The following SGO2 variants were observed in gnomAD, a reference collection of about 807,000 sequenced individuals.
SGO2 encodes shugoshin 2.
A neutral mutation model predicts 99.5 loss-of-function variants in SGO2; 68 were observed. The ratio of observed to expected loss-of-function variants is 0.68; its 90% CI spans 0.56 to 0.84. The LOEUF (loss-of-function observed/expected upper bound fraction) is 0.84. SGO2 is among the 40% of genes least tolerant of loss of function. SGO2 has a pLI of 0.00. For synonymous variants in SGO2, 457 were observed against 487.1 expected, an observed-to-expected ratio of 0.94 and a Z score of 0.81; for missense variants, 1,350 against 1,436.7, an observed-to-expected ratio of 0.94 and a Z score of 0.97.
chr2:200,528,321 C>T (rs2031203991), intron 1 of SGO2, among the ~76,000 whole-genome samples: 1 of 152,054 alleles, frequency 6.6e-6, no homozygotes, highest in African/African-American at 2.4e-5. Flanking sequence ...ATTCACGTAG[C>T]TATAGCAAAT....
rs968488994 is a variant in SGO2, at chr2:200,576,495, T to C, written c.3782+1034T>C. 2.6e-5 allele frequency among the ~76,000 whole-genome samples: 4 copies of C among 152,160 alleles called. No homozygotes were observed. In the East Asian group the frequency reaches 7.8e-4, roughly 30 times the overall value. On this transcript the variant is annotated intron_variant, in intron 8 of 8. Coordinates refer to ENST00000357799, the MANE Select transcript of SGO2 (RefSeq NM_152524.6). Reference sequence around the variant, plus strand: ...GGAGGCTGAGGCAGGAGAATCACCTTGAATTCGGAGGCAGATGTTGCAGTG... The same window carrying C: ...GGAGGCTGAGGCAGGAGAATCACCTCGAATTCGGAGGCAGATGTTGCAGTG...
Position 200,536,118 on chromosome 2 carries a change from A to G in SGO2, c.363A>G (p.Ala121=). Reference sequence around the variant, plus strand: ...TCATGAACAATAACTTGATAACTGCAATTGAAATGAGCAGTCTTTCTGAGG... The same window carrying G: ...TCATGAACAATAACTTGATAACTGCGATTGAAATGAGCAGTCTTTCTGAGG... ...EALMNNNLIT[A]IEMSSLSEFH... Residue 121 remains alanine (A), a synonymous_variant, in exon 4 of 9, where the codon GCA becomes GCG. Coordinates refer to ENST00000357799, the MANE Select transcript of SGO2 (RefSeq NM_152524.6). The G allele has an allele frequency of 6.3e-7, 1 of 1,596,776 alleles. No individual in the cohort carries two copies. The highest frequency in any genetic ancestry group is 8.6e-7 in the Non-Finnish European group (1 of 1,168,172).
At chr2:200,555,660 C>T (rs2032676911) in intron 5 of SGO2, among the ~76,000 whole-genome samples, 1 of 152,174 alleles carries the variant, frequency 6.6e-6, no homozygotes, top group South Asian at 2.1e-4. Context: ...CTGATCCAAA[C>T]ATGCAAACAG....
chr2:200,527,220 A>G lies in SGO2; in HGVS notation c.-3+968A>G, dbSNP rs577769612. On this transcript the variant is annotated intron_variant, in intron 1 of 8. Coordinates refer to ENST00000357799, the MANE Select transcript of SGO2 (RefSeq NM_152524.6). ...CCAGATTTCTGGCATGAGGATTTGA[A>G]TAGGCGATTGACAGTGTCGTTTATT... Among the ~76,000 whole-genome samples, 65 of 152,344 alleles carry G rather than the reference A, an allele frequency of 4.3e-4. 1 individual carries two copies. The highest frequency in any genetic ancestry group is 1.5e-3 in the African/African-American group (63 of 41,576).
chr2:200,548,607 C>T (rs12104945), intron 5 of SGO2, among the ~76,000 whole-genome samples: 3 of 151,952 alleles, frequency 2.0e-5, no homozygotes, highest in East Asian at 3.9e-4. Context: ...GAAATAATAA[C>T]GATCAGAGCA....
chr2:200,542,669 A>C lies in SGO2; in HGVS notation c.473+5A>C. The stretch of plus-strand genomic sequence containing the variant: ...GATGCGTCTTCCATTTGCAAGGTAA[A>C]TATGGGCTTGAATTACACTAGTTCA... On this transcript the variant is annotated splice_donor_5th_base_variant and intron_variant, in intron 5 of 8. Transcript: ENST00000357799. The C allele has an allele frequency of 1.9e-6, 3 of 1,610,802 alleles. No homozygotes were observed. Among genetic ancestry groups the C allele is most frequent in the Non-Finnish European group, 2.5e-6 (3 of 1,177,832 alleles).
rs13417812 is a variant in SGO2 at position 200,571,374 on chromosome 2, A to C, written c.1028A>C (p.Glu343Ala). ...SSESAREPNA[E>A]CMNQIEDNDD... ...GAGTCTGCCAGAGAACCTAATGCAGAGTGCATGAATCAAATTGAGGATAAT... is the reference window on the plus strand; with the variant it reads ...GAGTCTGCCAGAGAACCTAATGCAGCGTGCATGAATCAAATTGAGGATAAT... The change falls in exon 7 of 9, where the codon GAG becomes GCG. Residue 343 changes from glutamate to alanine, a missense_variant. Transcript: ENST00000357799. 2.0e-3 allele frequency: 3,144 copies of C among 1,611,724 alleles called. 57 individuals are homozygous for C. In the African/African-American group the frequency reaches 0.036, roughly 19 times the overall value.
intron 4 of SGO2, among the ~76,000 whole-genome samples, chr2:200,537,369 C>T (rs776183025): frequency 2.6e-5 from 4 of 152,156 alleles, no homozygotes; most frequent in Non-Finnish European, 4.4e-5. Context: ...CTTGCCTTTA[C>T]AGCAAAGCTT....
At chr2:200,568,067 T>C (rs1045717257) in intron 5 of SGO2, among the ~76,000 whole-genome samples, 3 of 152,200 alleles carry the variant, frequency 2.0e-5, no homozygotes, top group African/African-American at 4.8e-5. Context: ...CCATTTTACA[T>C]TCCCGCCAGC....
In SGO2 at chr2:200,526,318, G is replaced by A. The variant is rs964824675; in HGVS notation, c.-3+66G>A. On this transcript the variant is annotated intron_variant, in intron 1 of 8. Coordinates refer to ENST00000357799, the MANE Select transcript of SGO2 (RefSeq NM_152524.6). This position sits in a 1 kb window ranked among gnomAD's most constrained non-coding sequence, Gnocchi z 4.8. ...CCCTGTCGGGATCGGTGTCGTTCTTGAGTCGGTTCTCTAGGCGCTGTCCGC... is the reference window on the plus strand; with the variant it reads ...CCCTGTCGGGATCGGTGTCGTTCTTAAGTCGGTTCTCTAGGCGCTGTCCGC... 1 of 152,270 alleles carries A rather than the reference G, an allele frequency of 6.6e-6. No homozygotes were observed. Among genetic ancestry groups the A allele is most frequent in the South Asian group, 2.1e-4 (1 of 4,834 alleles). The allele number at this position is 152,270 out of a possible 1,614,324, so 9.4% of individuals were successfully genotyped here. A position where few individuals can be genotyped will look rare whatever the true frequency, so the allele number is the denominator to read the frequency against.
At position 200,573,132 on chromosome 2, in the gene SGO2, A is replaced by C. The variant is rs1295783216; in HGVS notation, c.2786A>C (p.Lys929Thr). ...AACCAGATATATGAGGATAATGATA[A>C]AGATGCACATGTCCAAGAAAGCTAT... ...EMNQIYEDNDKDAHVQESYTK... is the reference protein window; with the variant it reads ...EMNQIYEDNDTDAHVQESYTK... Residue 929 changes from lysine to threonine, a missense_variant, in exon 7 of 9, where the codon AAA becomes ACA. Lys to Thr is a moderately conservative substitution (Grantham distance 78). Transcript: ENST00000357799. 2 of 1,590,590 alleles carry C rather than the reference A, an allele frequency of 1.3e-6. No individual in the cohort carries two copies. Among genetic ancestry groups the C allele is most frequent in the Non-Finnish European group, 1.7e-6 (2 of 1,174,030 alleles).
In SGO2 at chr2:200,572,367, C is replaced by G; in HGVS notation, c.2021C>G (p.Thr674Ser). ...SKELQIPALS[T>S]RDNENQCDYR... is the part of the protein sequence containing the mutation. ...GAGCTTCAAATCCCAGCTCTTTCTACTAGAGATAATGAAAATCAATGTGAC... is the reference window on the plus strand; with the variant it reads ...GAGCTTCAAATCCCAGCTCTTTCTAGTAGAGATAATGAAAATCAATGTGAC... Residue 674 changes from threonine to serine, a missense_variant, in exon 7 of 9, where the codon ACT becomes AGT. Coordinates refer to ENST00000357799, the MANE Select transcript of SGO2 (RefSeq NM_152524.6). The G allele has an allele frequency of 1.2e-6, 2 of 1,612,962 alleles. No individual in the cohort carries two copies. The highest frequency in any genetic ancestry group is 8.5e-7 in the Non-Finnish European group (1 of 1,179,494).
Position 200,535,910 on chromosome 2 carries a change from T to C in SGO2, c.310-155T>C, listed in dbSNP as rs1559199038. On this transcript the variant is annotated intron_variant, in intron 3 of 8. Transcript: ENST00000357799. ...TAATACTATTTGGTACTATATAATA[T>C]ACCATTTTAGCTGAATGTGATCTCA... Among the ~76,000 whole-genome samples, 3 of 152,242 alleles carry C rather than the reference T, an allele frequency of 2.0e-5. No individual in the cohort carries two copies. The Middle Eastern group carries it at 0.01, about 518-fold the overall frequency.
At chr2:200,569,194 A>G (rs2033301019) in intron 5 of SGO2, among the ~76,000 whole-genome samples, 1 of 152,088 alleles carries the variant, frequency 6.6e-6, no homozygotes, top group East Asian at 1.9e-4. Flanking sequence ...TACTCTAGGA[A>G]TAATGATTTT....
chr2:200,564,003 A>G (rs1479425188), intron 5 of SGO2, among the ~76,000 whole-genome samples: 2 of 152,176 alleles, frequency 1.3e-5, no homozygotes, highest in Non-Finnish European at 2.9e-5. Flanking sequence ...TCTTTTCAAA[A>G]AAACCAGCTC....
Position 200,570,479 on chromosome 2 carries a change from TG to T in SGO2, c.704-570del, listed in dbSNP as rs982756782. The stretch of plus-strand genomic sequence containing the variant: ...TAGAATTGTTTTTCCTTTCTGAAAA[TG>T]TGTGTGTGTGTGTGTGTGTGTGTGT... On this transcript the variant is annotated intron_variant, in intron 6 of 8. Coordinates refer to ENST00000357799, the MANE Select transcript of SGO2 (RefSeq NM_152524.6). This position sits in a 1 kb window ranked among gnomAD's most constrained non-coding sequence, Gnocchi z 4.4. 7.3e-4 allele frequency among the ~76,000 whole-genome samples: 6 copies of T among 8,178 alleles called. No individual in the cohort carries two copies. The Middle Eastern group carries it at 0.19, about 256-fold the overall frequency. The allele number at this position is 8,178 out of a possible 152,430, so 5.4% of individuals were successfully genotyped here.
At chr2:200,551,060 A>G (rs2032464136) in intron 5 of SGO2, among the ~76,000 whole-genome samples, 1 of 152,118 alleles carries the variant, frequency 6.6e-6, no homozygotes, top group South Asian at 2.1e-4. Context: ...CACTATGCAG[A>G]ACAGCATGGA....
At chr2:200,557,024 G>C (rs1177710055) in intron 5 of SGO2, among the ~76,000 whole-genome samples, 1 of 152,112 alleles carries the variant, frequency 6.6e-6, no homozygotes. Flanking sequence ...CAGCTCTCAG[G>C]TTTCCCCCTT....
At chr2:200,581,407 T>C (rs1270026690) in intron 8 of SGO2, among the ~76,000 whole-genome samples, 1 of 152,190 alleles carries the variant, frequency 6.6e-6, no homozygotes, top group Non-Finnish European at 1.5e-5. Context: ...TATGTAAATA[T>C]CATGATTATT....
Sources: gnomAD v4.1 joint callset for allele counts (sites outside exome capture counted in the v4.1 genomes callset) on GRCh38, gnomAD v4.1.1 for gene constraint, Gnocchi (gnomAD v3.1) non-coding constraint, MANE v1.5 for transcripts, NCBI Gene and HGNC (gene_info 2026-07-23, HGNC 2026-07-21) for gene names.